Variants in FGD6 observed in about 807,000 individuals in gnomAD.
FGD6 encodes FYVE, RhoGEF and PH domain containing 6, also known as FYVE, RhoGEF and PH domain-containing protein 6.
Under a neutral mutation model 149.4 loss-of-function variants are expected in FGD6, and 90 were observed. The ratio of observed to expected loss-of-function variants is 0.60; its 90% CI spans 0.51 to 0.72. FGD6 has a LOEUF of 0.72. FGD6 is among the 30% of genes least tolerant of loss of function. The pLI, the probability that FGD6 is intolerant of heterozygous loss-of-function variation, is 0.00. For synonymous variants in FGD6, 527 were observed against 584.0 expected, an observed-to-expected ratio of 0.90 and a Z score of 1.41; for missense variants, 1,437 against 1,684.8, an observed-to-expected ratio of 0.85 and a Z score of 2.57.
chr12:95,196,432 A>C (rs536332191), intron 2 of FGD6, among the ~76,000 whole-genome samples: 1 of 151,968 alleles, frequency 6.6e-6, no homozygotes, highest in Admixed American at 6.6e-5. Context: ...GGGTTTCACT[A>C]TGTTGGCCAG....
At chr12:95,208,114 G>A (rs932165444) in intron 2 of FGD6, among the ~76,000 whole-genome samples, 7 of 151,990 alleles carry the variant, frequency 4.6e-5, no homozygotes, top group African/African-American at 1.7e-4. Flanking sequence ...ATCTAGGCAT[G>A]GTGGCATGCA....
At position 95,134,875 on chromosome 12, in the gene FGD6, G is replaced by A. The variant is rs774722969; in HGVS notation, c.2995-49C>T. On this transcript the variant is annotated intron_variant, in intron 7 of 20. Coordinates refer to ENST00000343958, the MANE Select transcript of FGD6 (RefSeq NM_018351.4). ...TAACACAGTGTTTTCTAAGAAGCAA[G>A]GGACCCAGATTCAAGTGCTCAGGAA... 2.0e-6 allele frequency: 3 copies of A among 1,507,996 alleles called. No individual in the cohort carries two copies. The Admixed American group carries it at 6.0e-5, about 30-fold the overall frequency. The allele number at this position is 1,507,996 out of a possible 1,614,324, so 93.4% of individuals were successfully genotyped here.
intron 2 of FGD6, among the ~76,000 whole-genome samples, chr12:95,175,557 C>T (rs1881111072): frequency 6.6e-6 from 1 of 151,924 alleles, no homozygotes; most frequent in Non-Finnish European, 1.5e-5. Flanking sequence ...ACAAGCCTGG[C>T]CAACAGAGCT....
intron 18 of FGD6, among the ~76,000 whole-genome samples, chr12:95,087,593 C>A (rs1877921540): frequency 6.6e-6 from 1 of 152,176 alleles, no homozygotes; most frequent in African/African-American, 2.4e-5. Context: ...CTTGCCAAAA[C>A]TTTGATTATA....
At chr12:95,086,546 T>C (rs963955267) in intron 18 of FGD6, among the ~76,000 whole-genome samples, 4 of 137,796 alleles carry the variant, frequency 2.9e-5, no homozygotes, top group South Asian at 2.4e-4. Flanking sequence ...CTTTTTTTTT[T>C]TTTTTTTTTT....
At chr12:95,132,164 G>T (rs7971114) in intron 8 of FGD6, among the ~76,000 whole-genome samples, 133,590 of 152,138 alleles carry the variant, frequency 0.88, 59,011 homozygotes, top group African/African-American at 0.97. Flanking sequence ...TTCTTCTTTT[G>T]TTTAAGAGAC....
intron 20 of FGD6, among the ~76,000 whole-genome samples, chr12:95,083,191 A>C (rs1382008647): frequency 6.6e-6 from 1 of 150,892 alleles, no homozygotes; most frequent in African/African-American, 2.4e-5. Flanking sequence ...CATAAATAGC[A>C]TGTTATACTG....
At chr12:95,085,155 G>A (rs184425227) in intron 19 of FGD6, among the ~76,000 whole-genome samples, 3 of 150,996 alleles carry the variant, frequency 2.0e-5, no homozygotes, top group East Asian at 1.9e-4. Context: ...GCAATCTAAC[G>A]ATGACAGTAA....
At chr12:95,208,545 C>A (rs1190011916) in intron 2 of FGD6, among the ~76,000 whole-genome samples, 1 of 152,152 alleles carries the variant, frequency 6.6e-6, no homozygotes, top group African/African-American at 2.4e-5. Context: ...GACTTCTGAG[C>A]TGGTGTCTGG....
intron 5 of FGD6, among the ~76,000 whole-genome samples, chr12:95,149,898 C>A (rs1335740088): frequency 6.9e-6 from 1 of 145,866 alleles, no homozygotes; most frequent in Non-Finnish European, 1.5e-5. Context: ...ATATCACATA[C>A]ACTATACTAT....
At chr12:95,145,682 T>C (rs1879992329) in intron 5 of FGD6, among the ~76,000 whole-genome samples, 1 of 152,090 alleles carries the variant, frequency 6.6e-6, no homozygotes, top group South Asian at 2.1e-4. Flanking sequence ...CTATGTCTGT[T>C]GTTTTTTGTT....
intron 3 of FGD6, among the ~76,000 whole-genome samples, chr12:95,167,734 A>T (rs1880864387): frequency 6.6e-6 from 1 of 151,682 alleles, no homozygotes; most frequent in South Asian, 2.1e-4. Context: ...ACCAACACAC[A>T]GGGCTAATTT....
At chr12:95,111,248 T>C (rs763570263) in intron 9 of FGD6, among the ~76,000 whole-genome samples, 1 of 152,166 alleles carries the variant, frequency 6.6e-6, no homozygotes. Flanking sequence ...CCCAAATTGC[T>C]GGGATTATAG....
intron 1 of FGD6, 73 bp downstream of exon 1, chr12:95,217,152 A>T (rs2056826533): frequency 6.2e-7 from 1 of 1,601,166 alleles, no homozygotes; most frequent in South Asian, 1.1e-5. Context: ...CGGCGAAGAA[A>T]GTTGCTCGCG....
At chr12:95,120,046 T>C (rs1039794726) in intron 8 of FGD6, among the ~76,000 whole-genome samples, 2 of 151,876 alleles carry the variant, frequency 1.3e-5, no homozygotes, top group African/African-American at 2.4e-5. Flanking sequence ...CTGACCAACA[T>C]GGTGAAACCC....
At chr12:95,171,217 G>A (rs775259890) in intron 3 of FGD6, among the ~76,000 whole-genome samples, 7 of 152,048 alleles carry the variant, frequency 4.6e-5, no homozygotes, top group Non-Finnish European at 8.8e-5. Flanking sequence ...ACTGCTGCAC[G>A]TGGGCCATTC....
chr12:95,091,598 G>GT (rs1207246276), intron 17 of FGD6, 109 bp downstream of exon 17: 1 of 641,412 alleles, frequency 1.6e-6, no homozygotes, highest in Non-Finnish European at 2.6e-6. Context: ...TTGGAGATAA[G>GT]TATCAACAAT....
rs140749070 is a variant in FGD6 at position 95,092,804 on chromosome 12, C to T, written c.3642G>A (p.Ser1214=). The T allele has an allele frequency of 5.0e-6, 8 of 1,613,790 alleles. No individual in the cohort carries two copies. Among genetic ancestry groups the T allele is most frequent in the South Asian group, 3.3e-5 (3 of 91,024 alleles). Residue 1214 remains serine, a synonymous_variant, in exon 16 of 21, where the codon TCG becomes TCA. Transcript: ENST00000343958. The part of the protein sequence containing the change: ...ENKEEVSPLG[S]KAPIWIPDTR... Reference sequence around the variant, plus strand: ...TATCAGGAATCCAGATGGGAGCCTTCGATCCAAGAGGACTAACTTCTTCTT... The same window carrying T: ...TATCAGGAATCCAGATGGGAGCCTTTGATCCAAGAGGACTAACTTCTTCTT...
chr12:95,147,234 A>G (rs926816474), intron 5 of FGD6, among the ~76,000 whole-genome samples: 3 of 152,202 alleles, frequency 2.0e-5, no homozygotes, highest in African/African-American at 7.2e-5. Flanking sequence ...GTAAAAGTAG[A>G]GGTGGGAAAG....
Sources: allele counts gnomAD v4.1 joint callset (sites outside exome capture counted in the v4.1 genomes callset), GRCh38; gene constraint gnomAD v4.1.1; transcripts MANE v1.5; gene names NCBI Gene and HGNC (gene_info 2026-07-23, HGNC 2026-07-21).